MAP3K20: variants seen among roughly 807,000 people sequenced by gnomAD.
MAP3K20 encodes mitogen-activated protein kinase kinase kinase 20, also known as HCCS-4.
Under a neutral mutation model 85.7 loss-of-function variants are expected in MAP3K20, and 40 were observed. The ratio of observed to expected loss-of-function variants is 0.47; its 90% confidence interval spans 0.36 to 0.61. The LOEUF (loss-of-function observed/expected upper bound fraction) is 0.61, where lower values mean the gene tolerates loss of function less well. Among genes scored for constraint, MAP3K20 ranks in the 20% least tolerant of loss-of-function variants. The probability of loss-of-function intolerance (pLI) is 0.00; values close to 1 mark genes in which losing one functional copy is unlikely to be tolerated. For synonymous variants in MAP3K20, 325 were observed against 327.7 expected, an observed-to-expected ratio of 0.99 and a Z score of 0.09; for missense variants, 817 against 961.7, an observed-to-expected ratio of 0.85 and a Z score of 1.99.
chr2:173,086,873 AC>A (rs1358883609), intron 1 of MAP3K20, among the ~76,000 whole-genome samples: 1 of 152,142 alleles, frequency 6.6e-6, no homozygotes, highest in African/African-American at 2.4e-5. Context: ...TTCTTCCCTG[AC>A]CCTGGGATTC....
chr2:173,177,093 A>C (rs1690183040), intron 3 of MAP3K20, among the ~76,000 whole-genome samples: 1 of 152,238 alleles, frequency 6.6e-6, no homozygotes, highest in Non-Finnish European at 1.5e-5. Flanking sequence ...ATTCACCAGT[A>C]ACTGATTTCA....
intron 16 of MAP3K20, among the ~76,000 whole-genome samples, chr2:173,245,402 T>C (rs1170460071): frequency 2.0e-5 from 3 of 152,166 alleles, no homozygotes; most frequent in South Asian, 2.1e-4. Context: ...ATCTTGCCCA[T>C]GCGCTTAGTC....
intron 1 of MAP3K20, among the ~76,000 whole-genome samples, chr2:173,081,926 A>G (rs1046088088): frequency 6.6e-6 from 1 of 152,066 alleles, no homozygotes; most frequent in African/African-American, 2.4e-5. Context: ...CCCACTCTAC[A>G]CCGCATATCC....
Position 173,266,124 on chromosome 2 carries a change from A to C in MAP3K20, c.1777A>C (p.Ser593Arg), listed in dbSNP as rs1434324172. The change falls in exon 20 of 20, where the codon AGC becomes CGC. Residue 593 changes from serine (S) to arginine (R), a missense_variant. Around this residue, in one of 4 missense-constraint regions of MAP3K20, gnomAD observed 454 missense variants for 476.9 expected, o/e 0.95. Coordinates refer to ENST00000375213, the MANE Select transcript of MAP3K20 (RefSeq NM_016653.3). ...CAACACTTCTTTACAGCGTTCCCAG[A>C]GCAATCCTATTCTGGGGTCACCGTT... ...ASNTSLQRSQ[S>R]NPILGSPFFS... 6.2e-7 allele frequency: 1 copy of C among 1,612,702 alleles called. No individual in the cohort carries two copies. The highest frequency in any genetic ancestry group is 8.5e-7 in the Non-Finnish European group (1 of 1,179,502).
intron 14 of MAP3K20, among the ~76,000 whole-genome samples, chr2:173,232,937 A>G (rs1684556924): frequency 6.6e-6 from 1 of 152,204 alleles, no homozygotes; most frequent in South Asian, 2.1e-4. Context: ...AGCTGCCCCC[A>G]GGCACCCCTA....
chr2:173,235,862 G>A (rs1264572710), intron 14 of MAP3K20, among the ~76,000 whole-genome samples: 1 of 152,184 alleles, frequency 6.6e-6, no homozygotes, highest in Non-Finnish European at 1.5e-5. Context: ...TGTGTGGCCA[G>A]GAAAGTGAAG....
At chr2:173,116,478 A>G (rs962912630) in intron 2 of MAP3K20, among the ~76,000 whole-genome samples, 6 of 152,192 alleles carry the variant, frequency 3.9e-5, no homozygotes, top group African/African-American at 1.4e-4. Context: ...GTTATCTTTG[A>G]CTGAATCAGT....
At chr2:173,207,383 T>G (rs1017955525) in intron 9 of MAP3K20, among the ~76,000 whole-genome samples, 7 of 152,114 alleles carry the variant, frequency 4.6e-5, no homozygotes, top group Non-Finnish European at 1.5e-5. Context: ...TCCCAGCTAC[T>G]TGGGAGTCTG....
Position 173,217,238 on chromosome 2 carries a change from G to T in MAP3K20, c.975G>T (p.Gln325His). Residue 325 changes from glutamine (Q) to histidine (H), a missense_variant, in exon 11 of 20, where the codon CAG (glutamine) becomes CAT (histidine). Gln to His is a conservative substitution (Grantham distance 24). Transcript: ENST00000375213. ...LKMWEQKLTE[Q>H]SNTPLLPSFE... ...TGTGGGAGCAAAAGCTGACAGAGCA[G>T]TCCAACACCCCGGTGAGTACCCTCC... 1 of 1,586,286 alleles carries T rather than the reference G, an allele frequency of 6.3e-7. No individual in the cohort carries two copies. Among genetic ancestry groups the T allele is most frequent in the Non-Finnish European group, 8.6e-7 (1 of 1,166,012 alleles).
intron 2 of MAP3K20, among the ~76,000 whole-genome samples, chr2:173,163,372 G>A (rs1183694726): frequency 6.6e-6 from 1 of 152,200 alleles, no homozygotes; most frequent in African/African-American, 2.4e-5. Flanking sequence ...GTGAGAATAT[G>A]TTGTATCTGG....
intron 2 of MAP3K20, among the ~76,000 whole-genome samples, chr2:173,159,324 A>G (rs1429175150): frequency 7.5e-6 from 1 of 132,968 alleles, no homozygotes; most frequent in Non-Finnish European, 1.8e-5. Flanking sequence ...CAAACTGAGT[A>G]CGGGTTGTTT....
intron 10 of MAP3K20, chr2:173,212,413 G>A (rs951752409): frequency 6.6e-6 from 1 of 151,894 alleles, no homozygotes; most frequent in Non-Finnish European, 1.5e-5. Context: ...CTAGTCCAAG[G>A]ACATAGTAAA....
chr2:173,181,916 C>T (rs1452118599), intron 3 of MAP3K20, among the ~76,000 whole-genome samples: 2 of 147,440 alleles, frequency 1.4e-5, no homozygotes, highest in African/African-American at 5.0e-5. Flanking sequence ...TCAGCCTCAG[C>T]ATGGTGGTAT....
At chr2:173,219,563 CG>C (rs550359913) in intron 11 of MAP3K20, among the ~76,000 whole-genome samples, 20 of 152,240 alleles carry the variant, frequency 1.3e-4, no homozygotes, top group African/African-American at 3.4e-4. Context: ...CAATTGAAAA[CG>C]AATTTCAGAA....
At chr2:173,155,838 A>G (rs1422244292) in intron 2 of MAP3K20, among the ~76,000 whole-genome samples, 1 of 152,206 alleles carries the variant, frequency 6.6e-6, no homozygotes, top group Non-Finnish European at 1.5e-5. Flanking sequence ...CTTGATAGAT[A>G]TGGCATTAAT....
chr2:173,082,896 G>A (rs1422281443), intron 1 of MAP3K20, among the ~76,000 whole-genome samples: 3 of 152,214 alleles, frequency 2.0e-5, no homozygotes, highest in Non-Finnish European at 4.4e-5. Flanking sequence ...GGCGTTAAGT[G>A]CTCCCACCAA....
chr2:173,121,600 G>T (rs7579176), intron 2 of MAP3K20, among the ~76,000 whole-genome samples: 148,338 of 151,316 alleles, frequency 0.98, 72,768 homozygotes, highest in Non-Finnish European at 1. Flanking sequence ...TGTTAGCCAG[G>T]ATGGTCTCAA....
chr2:173,117,717 G>A (rs1559238151), intron 2 of MAP3K20, among the ~76,000 whole-genome samples: 1 of 152,138 alleles, frequency 6.6e-6, no homozygotes, highest in Non-Finnish European at 1.5e-5. Flanking sequence ...TCTAGAAAAT[G>A]CATCTGAATA....
chr2:173,179,740 A>AC (rs1574083194), intron 3 of MAP3K20, among the ~76,000 whole-genome samples: 10 of 148,902 alleles, frequency 6.7e-5, no homozygotes, highest in Admixed American at 4.7e-4. Context: ...ACACACACAC[A>AC]AAAGCTACTA....
Sources: allele counts gnomAD v4.1 joint callset (sites outside exome capture counted in the v4.1 genomes callset), GRCh38; gene constraint gnomAD v4.1.1; regional missense constraint gnomAD v4.1.1; transcripts MANE v1.5; gene names NCBI Gene and HGNC (gene_info 2026-07-23, HGNC 2026-07-21).